Variants in KAT7 observed in about 807,000 individuals in gnomAD.
KAT7 encodes lysine acetyltransferase 7.
KAT7 carries 10 observed loss-of-function variants against 82.1 expected under a neutral mutation model. The ratio of observed to expected loss-of-function variants is 0.12; its 90% CI spans 0.08 to 0.21. The LOEUF is 0.21. Ranked by LOEUF, KAT7 falls within the 10% of genes least tolerant of loss-of-function variation. The pLI is 1.00. For missense variants in KAT7, 378 were observed against 760.9 expected (o/e 0.50, Z 5.92); for synonymous variants, 250 against 262.5 (o/e 0.95, Z 0.46).
At chr17:49,817,230 T>G (rs1216833464) in intron 8 of KAT7, among the ~76,000 whole-genome samples, 3 of 152,212 alleles carry the variant, frequency 2.0e-5, no homozygotes, top group Admixed American at 2.0e-4. Context: ...CAGTTTGGTC[T>G]AGGCTGATAA....
At chr17:49,799,145 T>TA (rs1389121504) in intron 4 of KAT7, among the ~76,000 whole-genome samples, 1 of 152,190 alleles carries the variant, frequency 6.6e-6, no homozygotes, top group Non-Finnish European at 1.5e-5. Context: ...TGAATTACTT[T>TA]AGAGATTCTT....
At chr17:49,808,291 T>C (rs1206342349) in intron 5 of KAT7, among the ~76,000 whole-genome samples, 2 of 151,722 alleles carry the variant, frequency 1.3e-5, no homozygotes, top group Non-Finnish European at 2.9e-5. Context: ...GGCTAGTTTT[T>C]GTATTTTTAG....
At chr17:49,817,703 G>T in intron 8 of KAT7, 117 bp from the exon 9 acceptor site, 1 of 742,790 alleles carries the variant, frequency 1.3e-6, no homozygotes. Context: ...CTGGCCTTAA[G>T]TGACCTGCCT....
intron 5 of KAT7, among the ~76,000 whole-genome samples, chr17:49,805,816 C>T (rs1306000067): frequency 6.7e-6 from 1 of 149,672 alleles, no homozygotes; most frequent in South Asian, 2.1e-4. Flanking sequence ...CGGTTCTCTT[C>T]TCATAAATCT....
At chr17:49,798,593 C>A in intron 4 of KAT7, 35 bp downstream of exon 4, 1 of 1,560,674 alleles carries the variant, frequency 6.4e-7, no homozygotes, top group South Asian at 1.2e-5. Flanking sequence ...ATCCTTTGTT[C>A]TGTGGTTCTC....
In KAT7 at chr17:49,833,550, T is replaced by A. The variant is rs1368938174; in HGVS notation, c.*6048T>A. 1.3e-5 allele frequency: 2 copies of A among 152,254 alleles called. No homozygotes were observed. The highest frequency in any genetic ancestry group is 2.9e-5 in the Non-Finnish European group (2 of 68,050). The allele number at this position is 152,254 out of a possible 1,614,324, so 9.4% of individuals were successfully genotyped here. On this transcript the variant is annotated 3_prime_UTR_variant, in exon 15 of 15. Coordinates refer to ENST00000259021, the MANE Select transcript of KAT7 (RefSeq NM_007067.5). ...GATATGGAAGTGATATTTTGGCAGC[T>A]TCCACTTTTGCTCTTGAAAATAAGC...
chr17:49,795,498 A>G lies in KAT7; in HGVS notation c.164-1252A>G. The G allele has an allele frequency of 8.3e-6, 2 of 240,488 alleles. 1 individual carries two copies. Among genetic ancestry groups the G allele is most frequent in the South Asian group, 1.4e-4 (2 of 14,490 alleles). The allele number at this position is 240,488 out of a possible 1,614,324, so 14.9% of individuals were successfully genotyped here. On this transcript the variant is annotated intron_variant, in intron 2 of 14. Transcript: ENST00000259021. ...GTTCTGTGGAGGGCTTTGAGCCCTC[A>G]GACAAGTGTCTGTTAAGAGCTATCG...
intron 1 of KAT7, 183 bp downstream of exon 1, chr17:49,789,032 ATGCTTGCAACTATTCCCGCCCTC>A (rs1055030128): frequency 2.1e-6 from 1 of 473,610 alleles, no homozygotes; most frequent in Admixed American, 4.3e-5. Context: ...GCCTCGGCCT[ATGCTTGCAACTATTCCCGCCCTC>A]TGCTTGCCTG....
At chr17:49,810,985 C>G (rs1014549109) in intron 6 of KAT7, among the ~76,000 whole-genome samples, 2 of 151,944 alleles carry the variant, frequency 1.3e-5, no homozygotes, top group Non-Finnish European at 2.9e-5. Flanking sequence ...GGTGACAGAG[C>G]GAGACCCTGC....
intron 2 of KAT7, among the ~76,000 whole-genome samples, chr17:49,793,260 T>A (rs1206650456): frequency 6.6e-6 from 1 of 152,244 alleles, no homozygotes; most frequent in Non-Finnish European, 1.5e-5. Flanking sequence ...CTCTGGAATG[T>A]AATCCAATAA....
At position 49,788,812 on chromosome 17, in the gene KAT7, C is replaced by A. The variant is rs187579044; in HGVS notation, c.-23C>A. 3.1e-5 allele frequency: 49 copies of A among 1,580,668 alleles called. No homozygotes were observed. The highest frequency in any genetic ancestry group is 4.1e-5 in the Non-Finnish European group (48 of 1,164,138). On this transcript the variant is annotated 5_prime_UTR_variant, in exon 1 of 15. Transcript: ENST00000259021. ...GCTGCCGCCGCTGCCCGAATCGGAA[C>A]CGTCGGGCCGCAGCCGCCGGCAATG...
chr17:49,800,687 A>T (rs907637953), intron 4 of KAT7, among the ~76,000 whole-genome samples: 8 of 152,146 alleles, frequency 5.3e-5, no homozygotes, highest in Admixed American at 2.0e-4. Flanking sequence ...AGTTATGAGG[A>T]TGTAGCTATG....
In KAT7 at chr17:49,821,810, T is replaced by G. The variant is rs781113490; in HGVS notation, c.1386+20T>G. 21 of 1,612,994 alleles carry G rather than the reference T, an allele frequency of 1.3e-5. No individual in the cohort carries two copies. Among genetic ancestry groups the G allele is most frequent in the South Asian group, 5.5e-5 (5 of 91,040 alleles). On this transcript the variant is annotated intron_variant, in intron 11 of 14. Transcript: ENST00000259021. ...TCTAAGGTAAGCAGGATCTGGAGAT[T>G]AAGAAGCCAATGGCCAGAGCAGGGT... is the stretch of plus-strand genomic sequence containing the variant.
chr17:49,817,445 G>A (rs1261726771), intron 8 of KAT7, among the ~76,000 whole-genome samples: 2 of 152,022 alleles, frequency 1.3e-5, no homozygotes, highest in Admixed American at 6.6e-5. Flanking sequence ...CTAGCGTGGT[G>A]GCATGCACAC....
At chr17:49,808,120 CTTTTTTTTT>C (rs71146937) in intron 5 of KAT7, among the ~76,000 whole-genome samples, 3 of 112,820 alleles carry the variant, frequency 2.7e-5, no homozygotes, top group South Asian at 2.8e-4. Context: ...CCCAGGTTTT[CTTTTTTTTT>C]TTTTTTTTTT....
chr17:49,819,353 G>C (rs1326940773), intron 9 of KAT7, among the ~76,000 whole-genome samples: 1 of 152,158 alleles, frequency 6.6e-6, no homozygotes, highest in Non-Finnish European at 1.5e-5. Context: ...GCGATTGGTA[G>C]AAATATCAGT....
intron 4 of KAT7, among the ~76,000 whole-genome samples, chr17:49,802,880 C>T (rs1365169910): frequency 5.3e-5 from 8 of 151,984 alleles, no homozygotes; most frequent in Admixed American, 2.0e-4. Context: ...CATGGACTAC[C>T]GTGCCTGGCT....
chr17:49,819,018 T>C (rs1438373936), intron 9 of KAT7, among the ~76,000 whole-genome samples: 1 of 152,218 alleles, frequency 6.6e-6, no homozygotes, highest in East Asian at 1.9e-4. Flanking sequence ...ATTACAGGCA[T>C]GAGCCACTGT....
intron 9 of KAT7, 31 bp downstream of exon 9, chr17:49,818,042 C>G (rs1363239658): frequency 1.3e-6 from 2 of 1,566,142 alleles, no homozygotes; most frequent in Admixed American, 3.4e-5. Context: ...CTGCCTTGAC[C>G]ATGATGGCAA....
Sources: gnomAD v4.1 joint callset for allele counts (sites outside exome capture counted in the v4.1 genomes callset) on GRCh38, gnomAD v4.1.1 for gene constraint, MANE v1.5 for transcripts, NCBI Gene and HGNC (gene_info 2026-07-23, HGNC 2026-07-21) for gene names.